Variants in GATA4 observed in about 807,000 individuals in gnomAD.
The protein encoded by GATA4 is GATA binding protein 4.
In GATA4, 7 loss-of-function variants were observed where a neutral mutation model predicts 37.9. That is an observed-to-expected ratio of 0.18 (90% CI 0.11 to 0.35). The LOEUF is 0.35. Ranked by LOEUF, GATA4 falls within the 10% of genes least tolerant of loss-of-function variation. GATA4 has a pLI of 1.00. For missense variants in GATA4, 647 were observed against 653.0 expected, an observed-to-expected ratio of 0.99 and a Z score of 0.10; for synonymous variants, 372 against 292.6, an observed-to-expected ratio of 1.27 and a Z score of -2.77.
chr8:11,677,903 T>C (rs1368210706), intron 1 of GATA4, among the ~76,000 whole-genome samples: 2 of 152,016 alleles, frequency 1.3e-5, no homozygotes, highest in East Asian at 3.9e-4. Context: ...ATGCTTTTGG[T>C]TGCACACGCT....
chr8:11,687,416 C>T (rs1041252837), intron 1 of GATA4, among the ~76,000 whole-genome samples: 4 of 152,024 alleles, frequency 2.6e-5, no homozygotes, highest in Non-Finnish European at 4.4e-5. Flanking sequence ...AAATAGAATC[C>T]GGGAGGTCAA....
At chr8:11,720,499 G>A (rs1383727508) in intron 2 of GATA4, among the ~76,000 whole-genome samples, 1 of 152,032 alleles carries the variant, frequency 6.6e-6, no homozygotes, top group Non-Finnish European at 1.5e-5. Flanking sequence ...TTGTTACATA[G>A]GTAAACTCGT....
chr8:11,681,796 G>C (rs998764754), intron 1 of GATA4, among the ~76,000 whole-genome samples: 1 of 151,918 alleles, frequency 6.6e-6, no homozygotes, highest in Non-Finnish European at 1.5e-5. Flanking sequence ...CTCCTTGCCT[G>C]CCTGTCTTCT....
At chr8:11,724,972 C>G (rs993452272) in intron 2 of GATA4, among the ~76,000 whole-genome samples, 2 of 152,226 alleles carry the variant, frequency 1.3e-5, no homozygotes, top group Non-Finnish European at 2.9e-5. Flanking sequence ...TTCCATGTGC[C>G]CCTCATGCCC....
chr8:11,693,081 C>G, intron 1 of GATA4: 2 of 984,624 alleles, frequency 2.0e-6, no homozygotes, highest in Non-Finnish European at 2.4e-6. Flanking sequence ...TACCCGGCAA[C>G]AAATACATGG....
At chr8:11,726,711 G>C (rs1800940203) in intron 2 of GATA4, among the ~76,000 whole-genome samples, 1 of 152,166 alleles carries the variant, frequency 6.6e-6, no homozygotes, top group Non-Finnish European at 1.5e-5. Context: ...AGCCAGGCAA[G>C]GGAGATGAGG....
chr8:11,708,937 G>C lies in GATA4; in HGVS notation c.616+9G>C. On this transcript the variant is annotated intron_variant, in intron 2 of 6. Transcript: ENST00000532059. This position sits in a 1 kb window ranked among gnomAD's most constrained non-coding sequence, Gnocchi z 6.7. ...CCGACACCCCAATCTCGGTGAGTAG[G>C]AGCGCGAGGGCTGGGGCGCGTGAGG... 1 of 1,524,042 alleles carries C rather than the reference G, an allele frequency of 6.6e-7. No homozygotes were observed. The highest frequency in any genetic ancestry group is 8.8e-7 in the Non-Finnish European group (1 of 1,141,802). The allele number at this position is 1,524,042 out of a possible 1,614,324, so 94.4% of individuals were successfully genotyped here.
chr8:11,705,304 A>G (rs1271435255), intron 1 of GATA4, among the ~76,000 whole-genome samples: 1 of 152,042 alleles, frequency 6.6e-6, no homozygotes, highest in Non-Finnish European at 1.5e-5. Context: ...GATGCTCCGC[A>G]CACGTCTGTG....
chr8:11,692,504 G>T (rs1196232518), upstream of GATA4: 3 of 985,302 alleles, frequency 3.0e-6, no homozygotes, highest in Non-Finnish European at 1.2e-6. Context: ...TGCACAGCGT[G>T]AGTAATTCCC....
At chr8:11,738,683 T>C (rs908939521) in intron 2 of GATA4, among the ~76,000 whole-genome samples, 1 of 152,234 alleles carries the variant, frequency 6.6e-6, no homozygotes, top group African/African-American at 2.4e-5. Context: ...AAGTGACACA[T>C]GCATTTATAC....
chr8:11,685,350 G>A (rs1053841148), intron 1 of GATA4, among the ~76,000 whole-genome samples: 6 of 152,130 alleles, frequency 3.9e-5, no homozygotes, highest in Admixed American at 2.0e-4. Flanking sequence ...GGTTGTCCCC[G>A]TTATACTTTT....
At chr8:11,697,035 G>T (rs1185177404) in intron 1 of GATA4, among the ~76,000 whole-genome samples, 1 of 152,224 alleles carries the variant, frequency 6.6e-6, no homozygotes, top group Admixed American at 6.5e-5. Flanking sequence ...CGATGAGGTC[G>T]GGATAGCTCT....
At chr8:11,693,426 C>G (rs189379614) in intron 1 of GATA4, among the ~76,000 whole-genome samples, 1 of 151,288 alleles carries the variant, frequency 6.6e-6, no homozygotes, top group Non-Finnish European at 1.5e-5. Context: ...CCACTGCAGT[C>G]CAGCCTGGTG....
At chr8:11,741,870 C>G (rs1292965977) in intron 2 of GATA4, among the ~76,000 whole-genome samples, 2 of 152,220 alleles carry the variant, frequency 1.3e-5, no homozygotes, top group African/African-American at 2.4e-5. Flanking sequence ...GACTGATTTT[C>G]CATCTGCTGC....
chr8:11,686,241 A>G (rs1799132545), intron 1 of GATA4, among the ~76,000 whole-genome samples: 1 of 151,210 alleles, frequency 6.6e-6, no homozygotes, highest in South Asian at 2.1e-4. Flanking sequence ...ATCTTAATGT[A>G]GCACATCCCA....
At chr8:11,735,178 TAA>T (rs1280267680) in intron 2 of GATA4, among the ~76,000 whole-genome samples, 1 of 152,256 alleles carries the variant, frequency 6.6e-6, no homozygotes, top group Admixed American at 6.5e-5. Flanking sequence ...GTGGTGGGTT[TAA>T]GAGTGTTTGC....
chr8:11,714,550 G>A (rs1161101021), intron 2 of GATA4, among the ~76,000 whole-genome samples: 1 of 152,190 alleles, frequency 6.6e-6, no homozygotes, highest in Non-Finnish European at 1.5e-5. Context: ...ACCCTGAGCA[G>A]GTCAGTCAGA....
At chr8:11,692,417 C>A, upstream of GATA4, 1 of 750,530 alleles carries the variant, frequency 1.3e-6, no homozygotes, top group South Asian at 6.0e-5. Context: ...GATTTCTCTA[C>A]CTATCTTATC....
chr8:11,677,645 G>C (rs1047325647), intron 1 of GATA4, among the ~76,000 whole-genome samples: 1 of 152,204 alleles, frequency 6.6e-6, no homozygotes, highest in South Asian at 2.1e-4. Flanking sequence ...CAGAAAGTCT[G>C]TGCTGTTTCC....
Sources: allele counts gnomAD v4.1 joint callset (sites outside exome capture counted in the v4.1 genomes callset), GRCh38; gene constraint gnomAD v4.1.1; non-coding constraint Gnocchi (gnomAD v3.1); transcripts MANE v1.5; gene names NCBI Gene and HGNC (gene_info 2026-07-23, HGNC 2026-07-21).